Variants in TTF2 observed in about 807,000 individuals in gnomAD.
The protein encoded by TTF2 is transcription termination factor 2, also known as RNA polymerase II termination factor.
In TTF2, 108 loss-of-function variants were observed where a neutral mutation model predicts 142.4. That is an observed-to-expected ratio of 0.76 (90% CI 0.65 to 0.89). TTF2 has a LOEUF of 0.89. TTF2 is among the 40% of genes least tolerant of loss of function. The pLI, the probability that TTF2 is intolerant of heterozygous loss-of-function variation, is 0.00. For missense variants in TTF2, 1,327 were observed against 1,379.8 expected, an observed-to-expected ratio of 0.96 and a Z score of 0.61; for synonymous variants, 483 against 506.2, an observed-to-expected ratio of 0.95 and a Z score of 0.61.
chr1:117,084,398 A>C (rs751174047), intron 11 of TTF2, among the ~76,000 whole-genome samples: 1 of 152,304 alleles, frequency 6.6e-6, no homozygotes. Flanking sequence ...CCCTGTGAGG[A>C]GGCCTGAGAT....
rs943249333 is a variant in TTF2 at position 117,086,548 on chromosome 1, G to A, written c.2160+26G>A. ...GTGAGGCTGGGGGGCAGCCAGGGAA[G>A]TGGAGTTGGAGCCACAGATGGTTTA... On this transcript the variant is annotated intron_variant, in intron 12 of 22. Transcript: ENST00000369466. The surrounding 1 kb of genome is among the most constrained non-coding windows in gnomAD (Gnocchi z 4.2). The A allele has an allele frequency of 1.3e-6, 2 of 1,570,432 alleles. No homozygotes were observed. Among genetic ancestry groups the A allele is most frequent in the Non-Finnish European group, 1.8e-6 (2 of 1,142,146 alleles).
Position 117,078,011 on chromosome 1 carries a change from A to G in TTF2, c.1669A>G (p.Thr557Ala), listed in dbSNP as rs2101041571. 6.2e-7 allele frequency: 1 copy of G among 1,614,060 alleles called. No homozygotes were observed. The highest frequency in any genetic ancestry group is 8.5e-7 in the Non-Finnish European group (1 of 1,179,994). Reference protein sequence around the residue: ...HRSLESCPGETVVAEDPAGLK... With the variant: ...HRSLESCPGEAVVAEDPAGLK... The stretch of plus-strand genomic sequence containing the variant: ...CTCACTTGAGTCATGTCCTGGTGAG[A>G]CGGTTGTGGCAGAAGATCCCGCCGG... Residue 557 changes from threonine (T) to alanine (A), a missense_variant, in exon 8 of 23, where the codon ACG becomes GCG. Physicochemically the swap from Thr to Ala is moderately conservative, Grantham distance 58. Coordinates refer to ENST00000369466, the MANE Select transcript of TTF2 (RefSeq NM_003594.4).
chr1:117,072,250 G>A (rs895216236), intron 3 of TTF2, among the ~76,000 whole-genome samples: 10 of 151,908 alleles, frequency 6.6e-5, no homozygotes, highest in Non-Finnish European at 1.3e-4. Context: ...ATATACAGAA[G>A]TAAGATAGGG....
chr1:117,072,772 G>C (rs567424184), intron 3 of TTF2, among the ~76,000 whole-genome samples: 1 of 152,236 alleles, frequency 6.6e-6, no homozygotes, highest in African/African-American at 2.4e-5. Context: ...AGAGAAGGGA[G>C]TCTTGCTGTG....
At chr1:117,095,442 A>G (rs1649034115) in intron 19 of TTF2, 75 bp downstream of exon 19, 11 of 1,389,826 alleles carry the variant, frequency 7.9e-6, no homozygotes, top group Non-Finnish European at 1.0e-5. Flanking sequence ...AGAGTTATAA[A>G]TCAAGGACTG....
chr1:117,104,066 TA>T lies in TTF2; in HGVS notation c.*2546del, dbSNP rs1390140937. On this transcript the variant is annotated 3_prime_UTR_variant, in exon 23 of 23. Transcript: ENST00000369466. ...AACTTAGCAGCAATAAGGTTTCTGA[TA>T]AAATCAAGAAGCAAAGGAAGTAACA... 6.6e-6 allele frequency: 1 copy of T among 152,146 alleles called. No individual in the cohort carries two copies. Among genetic ancestry groups the T allele is most frequent in the Non-Finnish European group, 1.5e-5 (1 of 68,026 alleles). The allele number at this position is 152,146 out of a possible 1,614,324, so 9.4% of individuals were successfully genotyped here. A position where few individuals can be genotyped will look rare whatever the true frequency, so the allele number is the denominator to read the frequency against.
At chr1:117,094,074 C>T (rs1045271144) in intron 18 of TTF2, among the ~76,000 whole-genome samples, 4 of 152,174 alleles carry the variant, frequency 2.6e-5, no homozygotes, top group African/African-American at 9.7e-5. Context: ...ACAGATGTAG[C>T]TGCTTTTCTG....
chr1:117,072,680 C>G (rs571662119), intron 3 of TTF2, among the ~76,000 whole-genome samples: 2 of 152,128 alleles, frequency 1.3e-5, no homozygotes, highest in Non-Finnish European at 1.5e-5. Flanking sequence ...ACCTCAGCCT[C>G]CCGAAGTGCT....
At chr1:117,061,309 G>A (rs756056594) in intron 2 of TTF2, among the ~76,000 whole-genome samples, 4 of 152,194 alleles carry the variant, frequency 2.6e-5, no homozygotes, top group Non-Finnish European at 5.9e-5. Context: ...GGAGGAGAGA[G>A]TCAGAAATGT....
In TTF2 at chr1:117,060,337, A is replaced by G; in HGVS notation, c.-10A>G. On this transcript the variant is annotated 5_prime_UTR_variant, in exon 1 of 23. Transcript: ENST00000369466. ...GGCGGGGCTTTGTGGAACTTGGGGGACCCAGCGAAATGGAAGAAGTTAGGT... is the reference window on the plus strand; with the variant it reads ...GGCGGGGCTTTGTGGAACTTGGGGGGCCCAGCGAAATGGAAGAAGTTAGGT... The G allele has an allele frequency of 6.3e-7, 1 of 1,596,304 alleles. No individual in the cohort carries two copies. Among genetic ancestry groups the G allele is most frequent in the Non-Finnish European group, 8.5e-7 (1 of 1,171,580 alleles).
At position 117,081,868 on chromosome 1, in the gene TTF2, G is replaced by T; in HGVS notation, c.1824G>T (p.Ala608=). 6.2e-7 allele frequency: 1 copy of T among 1,614,062 alleles called. No individual in the cohort carries two copies. Among genetic ancestry groups the T allele is most frequent in the Non-Finnish European group, 8.5e-7 (1 of 1,180,008 alleles). ...TAGGAAAAACCCTGACAATGATTGC[G>T]CTCATCCTGACCCAGAAGAATCAAG... is the stretch of plus-strand genomic sequence containing the variant. ...MGLGKTLTMI[A]LILTQKNQEK... is the part of the protein sequence containing the mutation. The change falls in exon 10 of 23, where the codon GCG becomes GCT. Residue 608 remains alanine (A), a synonymous_variant. Transcript: ENST00000369466.
At chr1:117,060,885 A>T (rs1251970358) in intron 2 of TTF2, among the ~76,000 whole-genome samples, 2 of 152,166 alleles carry the variant, frequency 1.3e-5, no homozygotes, top group Admixed American at 6.5e-5. Flanking sequence ...CTGCCCAGAC[A>T]GTCCCTCCCC....
intron 13 of TTF2, among the ~76,000 whole-genome samples, chr1:117,089,742 G>A (rs890893869): frequency 5.3e-5 from 8 of 152,066 alleles, no homozygotes; most frequent in Non-Finnish European, 2.9e-5. Flanking sequence ...TCAGCCATAA[G>A]AGGATGTGAA....
chr1:117,091,883 C>T lies in TTF2; in HGVS notation c.2738C>T (p.Thr913Ile). 2 of 1,613,790 alleles carry T rather than the reference C, an allele frequency of 1.2e-6. No individual in the cohort carries two copies. Among genetic ancestry groups the T allele is most frequent in the South Asian group, 1.1e-5 (1 of 91,066 alleles). Residue 913 changes from threonine to isoleucine, a missense_variant, in exon 17 of 23, where the codon ACC becomes ATC. Transcript: ENST00000369466. ...SEAADSPRSS[T>I]VHILSQLLRL... ...GCAGCAGACTCACCGAGATCCAGCA[C>T]CGTCCACATACTGTCCCAGTTGCTG...
At chr1:117,096,615 T>G (rs944292430) in intron 20 of TTF2, among the ~76,000 whole-genome samples, 4 of 152,182 alleles carry the variant, frequency 2.6e-5, no homozygotes, top group Non-Finnish European at 5.9e-5. Context: ...TGACCTCAGG[T>G]GATCCACCTG....
Position 117,090,258 on chromosome 1 carries a change from C to CG in TTF2, c.2496+50_2496+51insG. On this transcript the variant is annotated intron_variant, in intron 14 of 22. Coordinates refer to ENST00000369466, the MANE Select transcript of TTF2 (RefSeq NM_003594.4). The surrounding 1 kb of genome is among the most constrained non-coding windows in gnomAD (Gnocchi z 4.8). ...GGGGGAGGCCAGGGAAGGAACATGA[C>CG]TGTGTCCTTGTCTTGGGTTGAACAG... 6.3e-7 allele frequency: 1 copy of CG among 1,591,600 alleles called. No homozygotes were observed. The highest frequency in any genetic ancestry group is 1.3e-5 in the African/African-American group (1 of 74,320).
intron 3 of TTF2, among the ~76,000 whole-genome samples, chr1:117,069,035 A>G (rs530760774): frequency 6.6e-6 from 1 of 152,364 alleles, no homozygotes; most frequent in East Asian, 1.9e-4. Context: ...CCAGGCTTAG[A>G]AAAGCCTTCT....
At chr1:117,089,337 G>T (rs1383981563) in intron 13 of TTF2, among the ~76,000 whole-genome samples, 1 of 149,634 alleles carries the variant, frequency 6.7e-6, no homozygotes, top group African/African-American at 2.5e-5. Context: ...AAAACATATG[G>T]TCTAGGGCTA....
chr1:117,099,719 G>C lies in TTF2; in HGVS notation c.3344+812G>C, dbSNP rs1419633403. Among the ~76,000 whole-genome samples, 2 of 152,062 alleles carry C rather than the reference G, an allele frequency of 1.3e-5. No individual in the cohort carries two copies. Among genetic ancestry groups the C allele is most frequent in the African/African-American group, 4.8e-5 (2 of 41,386 alleles). ...TTTTTGCCTTCCTTTTCATGACCAG[G>C]TTTCCTGAAGAATTAGGAATCACTG... On this transcript the variant is annotated intron_variant, in intron 22 of 22. Transcript: ENST00000369466. This position sits in a 1 kb window ranked among gnomAD's most constrained non-coding sequence, Gnocchi z 4.3.
Sources: gnomAD v4.1 joint callset for allele counts (sites outside exome capture counted in the v4.1 genomes callset) on GRCh38, gnomAD v4.1.1 for gene constraint, Gnocchi (gnomAD v3.1) non-coding constraint, MANE v1.5 for transcripts, NCBI Gene and HGNC (gene_info 2026-07-23, HGNC 2026-07-21) for gene names.